The following ZSCAN18 variants were observed in gnomAD, a reference collection of about 807,000 sequenced individuals.
The protein encoded by ZSCAN18 is zinc finger and SCAN domain-containing protein 18.
Under a neutral mutation model 31.1 loss-of-function variants are expected in ZSCAN18, and 16 were observed. The ratio of observed to expected loss-of-function variants is 0.51; its 90% CI spans 0.35 to 0.78. ZSCAN18 has a LOEUF of 0.78. Among genes scored for constraint, ZSCAN18 ranks in the 30% least tolerant of loss-of-function variants. The probability of loss-of-function intolerance (pLI) is 0.01; values close to 1 mark genes in which losing one functional copy is unlikely to be tolerated. For synonymous variants in ZSCAN18, 375 were observed against 320.7 expected, an observed-to-expected ratio of 1.17 and a Z score of -1.81; for missense variants, 731 against 697.4, an observed-to-expected ratio of 1.05 and a Z score of -0.54.
At chr19:58,093,124 G>A (rs772322109) in intron 1 of ZSCAN18, 4 of 129,336 alleles carry the variant, frequency 3.1e-5, no homozygotes, top group Non-Finnish European at 6.3e-5. Flanking sequence ...TGGCCCCTCC[G>A]GGAGACTTTT....
chr19:58,106,769 G>GT (rs1411105244), intron 1 of ZSCAN18, among the ~76,000 whole-genome samples: 399 of 10,398 alleles, frequency 0.038, 6 homozygotes, highest in Middle Eastern at 0.12. Context: ...TTGTTTTTTT[G>GT]TTTTTTTTTG....
In ZSCAN18 at chr19:58,084,794, C is replaced by T; in HGVS notation, c.1424G>A (p.Arg475Gln). Residue 475 changes from arginine to glutamine, a missense_variant, in exon 7 of 7, where the codon CGG (arginine) becomes CAG (glutamine). Arg to Gln is a conservative substitution (Grantham distance 43, BLOSUM62 1). Around this residue, in one of 4 missense-constraint regions of ZSCAN18, gnomAD observed 597 missense variants for 499.5 expected, o/e 1.20. Transcript: ENST00000601144. This position sits in a 1 kb window ranked among gnomAD's most constrained non-coding sequence, Gnocchi z 4.5. ...KEKSYALGGA[R>Q]GPQPSTREAQ... Reference sequence around the variant, plus strand: ...TTCGCGGGTGGACGGTTGGGGGCCCCGGGCGCCCCCCAGCGCGTAGCTTTT... The same window carrying T: ...TTCGCGGGTGGACGGTTGGGGGCCCTGGGCGCCCCCCAGCGCGTAGCTTTT... 1.9e-6 allele frequency: 3 copies of T among 1,578,182 alleles called. No homozygotes were observed. The highest frequency in any genetic ancestry group is 2.6e-6 in the Non-Finnish European group (3 of 1,168,114).
chr19:58,108,992 C>G, intron 1 of ZSCAN18: 1 of 1,192,926 alleles, frequency 8.4e-7, no homozygotes, highest in South Asian at 4.3e-5. Flanking sequence ...ACCTTTGAGT[C>G]ATGTTCACAG....
In ZSCAN18 at chr19:58,085,096, G is replaced by A. The variant is rs1253655044; in HGVS notation, c.1122C>T (p.Pro374=). The change falls in exon 7 of 7, where the codon CCC becomes CCT. Residue 374 remains proline (P), a synonymous_variant. Transcript: ENST00000601144. ...CGAGGCTCTGCCCGTCCCCATCCTC[G>A]GGGTGCGGCCTCTTGGTTCCCAGTT... ...TAKLGTKRPH[P]EDGDGQSLEG... is the part of the protein sequence containing the mutation. 11 of 1,605,780 alleles carry A rather than the reference G, an allele frequency of 6.9e-6. No individual in the cohort carries two copies. The highest frequency in any genetic ancestry group is 1.3e-5 in the African/African-American group (1 of 74,834).
rs141574908 is a variant in ZSCAN18, at chr19:58,114,063, T to C, written c.130+4204A>G. 4.5e-3 allele frequency among the ~76,000 whole-genome samples: 679 copies of C among 150,432 alleles called. 5 individuals are homozygous for C. The highest frequency in any genetic ancestry group is 0.015 in the African/African-American group (630 of 40,816). On this transcript the variant is annotated intron_variant, in intron 1 of 1. Transcript: ENST00000595721. Reference sequence around the variant, plus strand: ...GGTGGGCAGATCACAAGGTCAGGAGTTCAAGACCAGCCTGGCCAACATAGT... The same window carrying C: ...GGTGGGCAGATCACAAGGTCAGGAGCTCAAGACCAGCCTGGCCAACATAGT...
chr19:58,087,654 G>C (rs953318042), intron 3 of ZSCAN18: 14 of 469,848 alleles, frequency 3.0e-5, no homozygotes, highest in African/African-American at 2.6e-4. Flanking sequence ...TTTTTGGTTT[G>C]TTTGTTTTTT....
At chr19:58,109,157 C>T (rs2554982) in intron 1 of ZSCAN18, 1,004,201 of 1,230,016 alleles carry the variant, frequency 0.82, 413,946 homozygotes, top group Non-Finnish European at 0.85. Flanking sequence ...TGGAGCATTT[C>T]TACCTGGTCC....
In ZSCAN18 at chr19:58,087,015, CATT is replaced by C; in HGVS notation, c.643-10_643-8del. On this transcript the variant is annotated splice_polypyrimidine_tract_variant and splice_region_variant and intron_variant, in intron 4 of 6. Transcript: ENST00000601144. ...CTGGAAAGGACTTCAGCTTCTGAAACATTAGTCGTGGCTGAGACCTCCCACCTG... is the reference window on the plus strand; with the variant it reads ...CTGGAAAGGACTTCAGCTTCTGAAACAGTCGTGGCTGAGACCTCCCACCTG... The C allele has an allele frequency of 1.2e-6, 2 of 1,611,020 alleles. No individual in the cohort carries two copies. Among genetic ancestry groups the C allele is most frequent in the East Asian group, 2.2e-5 (1 of 44,850 alleles).
At chr19:58,085,862 G>A in intron 6 of ZSCAN18, 1 of 376,818 alleles carries the variant, frequency 2.7e-6, no homozygotes. Context: ...GCCTCTAGGT[G>A]TTCTTGTTGG....
intron 1 of ZSCAN18, among the ~76,000 whole-genome samples, chr19:58,104,386 ACAAAACAAAAC>A (rs1568642710): frequency 0.015 from 2,175 of 142,924 alleles, 63 homozygotes; most frequent in African/African-American, 0.059. Flanking sequence ...CAAAAACAAA[ACAAAACAAAAC>A]AAAACAAAAA....
chr19:58,114,027 A>C (rs1337698568), intron 1 of ZSCAN18, among the ~76,000 whole-genome samples: 34 of 151,852 alleles, frequency 2.2e-4, no homozygotes, highest in Admixed American at 2.2e-3. Context: ...CCCAACACTA[A>C]GGGAGGCCAA....
In ZSCAN18 at chr19:58,117,393, C is replaced by T. The variant is rs997242679; in HGVS notation, c.130+874G>A. Among the ~76,000 whole-genome samples, 5 of 151,984 alleles carry T rather than the reference C, an allele frequency of 3.3e-5. 1 individual carries two copies. Among genetic ancestry groups the T allele is most frequent in the African/African-American group, 4.8e-5 (2 of 41,366 alleles). ...CGCAGGGAAGGGAGGAAGGGCAAGT[C>T]AGTGGAGTCAGAACCCAGCAGGGAT... On this transcript the variant is annotated intron_variant, in intron 1 of 1. Transcript: ENST00000595721.
chr19:58,090,464 A>C lies in ZSCAN18; in HGVS notation c.-119-78T>G. 7.6e-7 allele frequency: 1 copy of C among 1,321,638 alleles called. No individual in the cohort carries two copies. Among genetic ancestry groups the C allele is most frequent in the Non-Finnish European group, 1.0e-6 (1 of 984,050 alleles). 81.9% of individuals were successfully genotyped at this position (1,321,638 alleles called of 1,614,324 possible). A position where few individuals can be genotyped will look rare whatever the true frequency, so the allele number is the denominator to read the frequency against. On this transcript the variant is annotated intron_variant, in intron 1 of 6. Transcript: ENST00000601144. The surrounding 1 kb of genome is among the most constrained non-coding windows in gnomAD (Gnocchi z 4.7). The stretch of plus-strand genomic sequence containing the variant: ...ACCCCAGCTGCCAGAGAACAAAGAC[A>C]CCACACCCAGAGTTCACACAGATTT...
At chr19:58,095,464 C>T (rs886476811) in intron 1 of ZSCAN18, among the ~76,000 whole-genome samples, 3 of 152,214 alleles carry the variant, frequency 2.0e-5, no homozygotes, top group Admixed American at 6.5e-5. Flanking sequence ...CATCCTTCCC[C>T]GTCCAGGCCC....
chr19:58,116,430 TCA>T lies in ZSCAN18; in HGVS notation c.130+1835_130+1836del, dbSNP rs761088973. Among the ~76,000 whole-genome samples, 211 of 151,896 alleles carry T rather than the reference TCA, an allele frequency of 1.4e-3. 2 individuals carry two copies. The highest frequency in any genetic ancestry group is 1.0e-3 in the Non-Finnish European group (70 of 67,988). On this transcript the variant is annotated intron_variant, in intron 1 of 1. Transcript: ENST00000595721. ...GATCAGACAGATGAAGACCTCCACC[TCA>T]CAGAGTAGGCATTCTGGTATGGGAA...
intron 1 of ZSCAN18, among the ~76,000 whole-genome samples, chr19:58,117,460 G>A (rs2074739548): frequency 6.6e-6 from 1 of 152,142 alleles, no homozygotes; most frequent in Non-Finnish European, 1.5e-5. Flanking sequence ...GGGTAGGAAG[G>A]GGAAGGAACA....
rs1047007722 is a variant in ZSCAN18, at chr19:58,084,596, C to T, written c.*89G>A. The T allele has an allele frequency of 7.0e-6, 9 of 1,284,152 alleles. No homozygotes were observed. The highest frequency in any genetic ancestry group is 1.5e-5 in the African/African-American group (1 of 64,716). The allele number at this position is 1,284,152 out of a possible 1,614,324, so 79.5% of individuals were successfully genotyped here. A position where few individuals can be genotyped will look rare whatever the true frequency, so the allele number is the denominator to read the frequency against. ...GACGTCCACAAACACCACAGGAAGC[C>T]GCCACCCAGGGGCGTGGAAAGGCCC... On this transcript the variant is annotated 3_prime_UTR_variant, in exon 7 of 7. Transcript: ENST00000601144. The surrounding 1 kb of genome is among the most constrained non-coding windows in gnomAD (Gnocchi z 4.5).
At chr19:58,109,123 C>T (rs1187651558) in intron 1 of ZSCAN18, 2 of 1,228,142 alleles carry the variant, frequency 1.6e-6, no homozygotes, top group Non-Finnish European at 2.0e-6. Context: ...TGCTGTTTGC[C>T]TCAAATGCAC....
At chr19:58,087,489 C>T in intron 3 of ZSCAN18, 85 bp from the exon 4 acceptor site, 2 of 1,186,770 alleles carry the variant, frequency 1.7e-6, no homozygotes, top group South Asian at 2.8e-5. Flanking sequence ...CGCTGCCTCC[C>T]ACACAGGCCC....
Sources: allele counts gnomAD v4.1 joint callset (sites outside exome capture counted in the v4.1 genomes callset), GRCh38; gene constraint gnomAD v4.1.1; regional missense constraint gnomAD v4.1.1; non-coding constraint Gnocchi (gnomAD v3.1); transcripts MANE v1.5; gene names NCBI Gene and HGNC (gene_info 2026-07-23, HGNC 2026-07-21).